Variants in IMPG1 observed in about 807,000 individuals in gnomAD.
IMPG1 encodes interphotoreceptor matrix proteoglycan 1.
In IMPG1, 85 loss-of-function variants were observed where a neutral mutation model predicts 92.0. The observed-to-expected ratio is 0.92, with a 90% CI of 0.78 to 1.11. The LOEUF (loss-of-function observed/expected upper bound fraction) is 1.11, where lower values mean the gene tolerates loss of function less well. Ranked by LOEUF, IMPG1 falls within the 50% of genes least tolerant of loss-of-function variation. The pLI is 0.00. For synonymous variants in IMPG1, 367 were observed against 334.1 expected, an observed-to-expected ratio of 1.10 and a Z score of -1.08; for missense variants, 1,022 against 956.0, an observed-to-expected ratio of 1.07 and a Z score of -0.91.
Position 76,037,068 on chromosome 6 carries a change from G to A in IMPG1, c.302-2281C>T, listed in dbSNP as rs568212330. Among the ~76,000 whole-genome samples the A allele has an allele frequency of 3.6e-4, 55 of 152,318 alleles. No homozygotes were observed. In the South Asian group the frequency reaches 8.3e-3, roughly 23 times the overall value. On this transcript the variant is annotated intron_variant, in intron 2 of 16. Coordinates refer to ENST00000369950, the MANE Select transcript of IMPG1 (RefSeq NM_001563.4). ...GGAAACAATTGGAGCCTTTAGGGCAGAGGCTGACACCATCTGACTTACTGA... is the reference window on the plus strand; with the variant it reads ...GGAAACAATTGGAGCCTTTAGGGCAAAGGCTGACACCATCTGACTTACTGA...
rs192828697 is a variant in IMPG1 at position 75,928,308 on chromosome 6, T to G, written c.2243+2645A>C. ...TCCACCTCCTGGGTTCAAGTGATTC[T>G]CCTGCCTCAGCCTCCAGAGTAGCTG... On this transcript the variant is annotated intron_variant, in intron 15 of 16. Coordinates refer to ENST00000369950, the MANE Select transcript of IMPG1 (RefSeq NM_001563.4). 4.4e-3 allele frequency among the ~76,000 whole-genome samples: 668 copies of G among 152,172 alleles called. 4 individuals are homozygous for G. Among genetic ancestry groups the G allele is most frequent in the African/African-American group, 0.015 (627 of 41,510 alleles).
intron 12 of IMPG1, among the ~76,000 whole-genome samples, chr6:75,994,278 T>C (rs1350453406): frequency 6.6e-6 from 1 of 152,238 alleles, no homozygotes; most frequent in Non-Finnish European, 1.5e-5. Context: ...TCTAGCTCAA[T>C]AGATTTAAAG....
chr6:76,038,468 G>A (rs1783779637), intron 2 of IMPG1, among the ~76,000 whole-genome samples: 1 of 152,020 alleles, frequency 6.6e-6, no homozygotes, highest in Admixed American at 6.5e-5. Flanking sequence ...CACAAGCCAG[G>A]AGGCATAGAC....
At chr6:76,066,071 A>G (rs1034330815) in intron 1 of IMPG1, among the ~76,000 whole-genome samples, 1 of 152,154 alleles carries the variant, frequency 6.6e-6, no homozygotes, top group South Asian at 2.1e-4. Context: ...GAAATGCTCA[A>G]GGGAATTTTA....
chr6:76,052,279 C>G (rs1034645365), intron 1 of IMPG1, among the ~76,000 whole-genome samples: 13 of 152,124 alleles, frequency 8.5e-5, no homozygotes, highest in Admixed American at 3.9e-4. Context: ...GCAAACTCAT[C>G]ATCCGTCTTA....
intron 14 of IMPG1, among the ~76,000 whole-genome samples, chr6:75,937,580 G>A (rs1353519293): frequency 6.6e-6 from 1 of 152,082 alleles, no homozygotes; most frequent in Non-Finnish European, 1.5e-5. Flanking sequence ...CTGTACAGTG[G>A]GGGGAAATAA....
At chr6:75,929,695 A>G (rs1440219110) in intron 15 of IMPG1, among the ~76,000 whole-genome samples, 1 of 151,940 alleles carries the variant, frequency 6.6e-6, no homozygotes, top group Non-Finnish European at 1.5e-5. Flanking sequence ...AACTTAAAGT[A>G]TAATAATAAT....
intron 14 of IMPG1, among the ~76,000 whole-genome samples, chr6:75,932,892 G>C (rs1781687520): frequency 6.6e-6 from 1 of 151,998 alleles, no homozygotes; most frequent in Admixed American, 6.6e-5. Flanking sequence ...GTAGAAACAG[G>C]GTTTCACCAT....
intron 1 of IMPG1, among the ~76,000 whole-genome samples, chr6:76,067,168 G>A (rs1784323134): frequency 6.6e-6 from 1 of 151,462 alleles, no homozygotes; most frequent in Admixed American, 6.6e-5. Flanking sequence ...AAAGGTAGAA[G>A]TAAATAAATA....
intron 12 of IMPG1, among the ~76,000 whole-genome samples, chr6:75,959,128 T>G (rs1268639630): frequency 6.6e-6 from 1 of 152,194 alleles, no homozygotes. Context: ...CTTTTAACAG[T>G]CAGGCCCCTC....
chr6:76,050,341 G>A (rs1784020094), intron 1 of IMPG1, among the ~76,000 whole-genome samples: 1 of 152,158 alleles, frequency 6.6e-6, no homozygotes, highest in Non-Finnish European at 1.5e-5. Context: ...TACTTGGGAG[G>A]CTGAGGCATG....
chr6:75,998,500 C>A (rs889828763), intron 12 of IMPG1, among the ~76,000 whole-genome samples: 2 of 152,138 alleles, frequency 1.3e-5, no homozygotes, highest in Non-Finnish European at 2.9e-5. Context: ...CCTAGATGGG[C>A]AATAAAAGAC....
chr6:75,971,239 G>A lies in IMPG1; in HGVS notation c.1292-20145C>T, dbSNP rs546841348. On this transcript the variant is annotated intron_variant, in intron 12 of 16. Transcript: ENST00000369950. ...ACGGACAAAAAACCAAACACCGCAT[G>A]TTCTCACTCATAGGTGGGAATTGAA... 6.7e-5 allele frequency among the ~76,000 whole-genome samples: 10 copies of A among 149,168 alleles called. No individual in the cohort carries two copies. In the East Asian group the frequency reaches 2.0e-3, roughly 30 times the overall value.
intron 5 of IMPG1, among the ~76,000 whole-genome samples, chr6:76,023,818 T>A (rs1239858446): frequency 1.3e-5 from 2 of 152,188 alleles, no homozygotes; most frequent in Admixed American, 6.5e-5. Flanking sequence ...CTAAATCTAA[T>A]CTTGTTATTA....
chr6:75,969,358 C>T (rs1382640396), intron 12 of IMPG1, among the ~76,000 whole-genome samples: 1 of 152,004 alleles, frequency 6.6e-6, no homozygotes, highest in South Asian at 2.1e-4. Flanking sequence ...ACATTATTAG[C>T]CCAAATGAGC....
intron 4 of IMPG1, among the ~76,000 whole-genome samples, chr6:76,026,789 C>G (rs1783546718): frequency 6.6e-6 from 1 of 152,132 alleles, no homozygotes; most frequent in Non-Finnish European, 1.5e-5. Flanking sequence ...GCCAGACCCC[C>G]ACCCCCAACA....
intron 12 of IMPG1, among the ~76,000 whole-genome samples, chr6:75,999,395 T>C (rs554552150): frequency 1.6e-4 from 24 of 152,146 alleles, no homozygotes; most frequent in Non-Finnish European, 3.1e-4. Context: ...CTGGTGGGTG[T>C]TTGGTGACAC....
intron 5 of IMPG1, among the ~76,000 whole-genome samples, chr6:76,024,195 A>T (rs1456110039): frequency 6.6e-6 from 1 of 152,180 alleles, no homozygotes; most frequent in Non-Finnish European, 1.5e-5. Flanking sequence ...ATATAGGCAC[A>T]GCCGGCTTTC....
chr6:76,021,469 G>A (rs556390413), intron 6 of IMPG1, among the ~76,000 whole-genome samples: 8 of 151,940 alleles, frequency 5.3e-5, no homozygotes, highest in Admixed American at 2.6e-4. Flanking sequence ...TACAGAGTTC[G>A]ACAATTTGTC....
Sources: gnomAD v4.1 joint callset for allele counts (sites outside exome capture counted in the v4.1 genomes callset) on GRCh38, gnomAD v4.1.1 for gene constraint, MANE v1.5 for transcripts, NCBI Gene and HGNC (gene_info 2026-07-23, HGNC 2026-07-21) for gene names.